Variants in PKP4 observed in about 807,000 individuals in gnomAD.
PKP4 encodes plakophilin-4.
PKP4 carries 90 observed loss-of-function variants against 145.1 expected under a neutral mutation model. The observed-to-expected ratio is 0.62, with a 90% confidence interval of 0.52 to 0.74. PKP4 has a LOEUF of 0.74. PKP4 is among the 30% of genes least tolerant of loss of function. The pLI, the probability that PKP4 is intolerant of heterozygous loss-of-function variation, is 0.00. For missense variants in PKP4, 1,340 were observed against 1,482.7 expected (o/e 0.90, Z 1.58); for synonymous variants, 563 against 577.2 (o/e 0.98, Z 0.35).
intron 2 of PKP4, among the ~76,000 whole-genome samples, chr2:158,564,442 T>A (rs975063772): frequency 6.6e-6 from 1 of 152,202 alleles, no homozygotes; most frequent in African/African-American, 2.4e-5. Flanking sequence ...TTCAAATTGT[T>A]TCAAATGATG....
At chr2:158,596,105 T>G (rs969210767) in intron 3 of PKP4, among the ~76,000 whole-genome samples, 4 of 152,072 alleles carry the variant, frequency 2.6e-5, no homozygotes, top group Admixed American at 2.0e-4. Flanking sequence ...CACAATAGAT[T>G]TGGAATCCAG....
intron 1 of PKP4, among the ~76,000 whole-genome samples, chr2:158,459,796 C>G (rs1480136898): frequency 6.6e-6 from 1 of 151,764 alleles, no homozygotes; most frequent in African/African-American, 2.4e-5. Context: ...GGATCACACA[C>G]ACACACACAC....
intron 2 of PKP4, among the ~76,000 whole-genome samples, chr2:158,559,776 TATG>T (rs1194846970): frequency 1.3e-5 from 2 of 152,094 alleles, no homozygotes; most frequent in Non-Finnish European, 2.9e-5. Flanking sequence ...AAAAGAGTAA[TATG>T]ATGGGAAATA....
At chr2:158,638,374 C>T (rs1218290937) in intron 9 of PKP4, among the ~76,000 whole-genome samples, 1 of 152,152 alleles carries the variant, frequency 6.6e-6, no homozygotes, top group Admixed American at 6.5e-5. Flanking sequence ...TCTTGTTTTA[C>T]AGTTGAGGAA....
chr2:158,552,319 CTG>C (rs2045702359), intron 2 of PKP4, among the ~76,000 whole-genome samples: 1 of 152,206 alleles, frequency 6.6e-6, no homozygotes, highest in African/African-American at 2.4e-5. Flanking sequence ...GTTTCTAGAA[CTG>C]TGAGAATAAA....
intron 7 of PKP4, among the ~76,000 whole-genome samples, chr2:158,625,736 T>C (rs2052714080): frequency 1.3e-5 from 2 of 152,276 alleles, no homozygotes; most frequent in East Asian, 1.9e-4. Context: ...TTCTAAGCAG[T>C]TGACTAATTT....
chr2:158,523,882 G>C (rs1257555489), intron 1 of PKP4, among the ~76,000 whole-genome samples: 1 of 141,302 alleles, frequency 7.1e-6, no homozygotes, highest in Non-Finnish European at 1.5e-5. Context: ...AAGGGTATCA[G>C]CAACGGAAGA....
intron 1 of PKP4, among the ~76,000 whole-genome samples, chr2:158,464,268 G>A (rs892011555): frequency 2.6e-5 from 4 of 152,188 alleles, no homozygotes; most frequent in Non-Finnish European, 5.9e-5. Flanking sequence ...TAGGGAACTC[G>A]TCAATCCATA....
intron 2 of PKP4, among the ~76,000 whole-genome samples, chr2:158,573,464 T>C (rs1277739465): frequency 6.6e-6 from 1 of 152,160 alleles, no homozygotes; most frequent in Non-Finnish European, 1.5e-5. Flanking sequence ...TTTATTGTAT[T>C]TTAAAATAAA....
At chr2:158,491,183 A>G (rs1046855624) in intron 1 of PKP4, among the ~76,000 whole-genome samples, 5 of 152,098 alleles carry the variant, frequency 3.3e-5, no homozygotes, top group Non-Finnish European at 7.4e-5. Context: ...TGTGATGGTT[A>G]TTTAGATTGC....
At chr2:158,663,594 A>G (rs1477945928) in intron 15 of PKP4, 149 bp downstream of exon 15, 2 of 647,748 alleles carry the variant, frequency 3.1e-6, no homozygotes, top group Non-Finnish European at 5.3e-6. Flanking sequence ...TTAAAGGGAA[A>G]AAAGGGAGAC....
At chr2:158,609,362 C>G (rs1265241673) in intron 4 of PKP4, among the ~76,000 whole-genome samples, 1 of 152,116 alleles carries the variant, frequency 6.6e-6, no homozygotes, top group Non-Finnish European at 1.5e-5. Context: ...GACCATCAGT[C>G]CACTTAGTCT....
At chr2:158,576,341 C>T (rs994188457) in intron 2 of PKP4, among the ~76,000 whole-genome samples, 12 of 152,188 alleles carry the variant, frequency 7.9e-5, no homozygotes, top group Non-Finnish European at 1.5e-4. Flanking sequence ...TTTGAACTAG[C>T]AGTCATCAAA....
At chr2:158,467,325 C>T (rs974141391) in intron 1 of PKP4, among the ~76,000 whole-genome samples, 6 of 152,154 alleles carry the variant, frequency 3.9e-5, no homozygotes, top group African/African-American at 1.2e-4. Context: ...ATCACCACAA[C>T]GCTCATCTCT....
intron 4 of PKP4, among the ~76,000 whole-genome samples, chr2:158,612,027 A>T (rs1451760718): frequency 6.6e-6 from 1 of 151,938 alleles, no homozygotes; most frequent in East Asian, 1.9e-4. Context: ...TAAAAAAAAA[A>T]AAACAGCCTG....
At chr2:158,542,612 A>G (rs938870994) in intron 2 of PKP4, among the ~76,000 whole-genome samples, 1 of 152,222 alleles carries the variant, frequency 6.6e-6, no homozygotes. Flanking sequence ...AACCTTTGTC[A>G]GAGTTGGAGA....
chr2:158,632,449 A>T (rs2053450594), intron 8 of PKP4: 1 of 157,988 alleles, frequency 6.3e-6, no homozygotes, highest in Non-Finnish European at 1.4e-5. Flanking sequence ...ATGGACTCAA[A>T]CTGGTACAGG....
intron 1 of PKP4, among the ~76,000 whole-genome samples, chr2:158,471,938 A>G (rs1387383398): frequency 6.6e-6 from 1 of 152,190 alleles, no homozygotes; most frequent in Admixed American, 6.5e-5. Context: ...TCTGAAAGGT[A>G]TAGAGTAAAA....
At chr2:158,459,933 A>G (rs987059274) in intron 1 of PKP4, among the ~76,000 whole-genome samples, 1 of 152,164 alleles carries the variant, frequency 6.6e-6, no homozygotes, top group Non-Finnish European at 1.5e-5. Flanking sequence ...TTTTTCAACT[A>G]GTGATCCTAC....
Sources: gnomAD v4.1 joint callset for allele counts (sites outside exome capture counted in the v4.1 genomes callset) on GRCh38, gnomAD v4.1.1 for gene constraint, MANE v1.5 for transcripts, NCBI Gene and HGNC (gene_info 2026-07-23, HGNC 2026-07-21) for gene names.